Variants in USH2A observed in about 807,000 individuals in gnomAD.
USH2A encodes Usher syndrome 2A (autosomal recessive, mild).
USH2A carries 443 observed loss-of-function variants against 538.9 expected under a neutral mutation model. That is an observed-to-expected ratio of 0.82 (90% CI 0.76 to 0.89). The LOEUF is 0.89. Ranked by LOEUF, USH2A falls within the 40% of genes least tolerant of loss-of-function variation. The pLI is 0.00. For synonymous variants in USH2A, 2,413 were observed against 2,273.5 expected, an observed-to-expected ratio of 1.06 and a Z score of -1.75; for missense variants, 6,633 against 6,324.8, an observed-to-expected ratio of 1.05 and a Z score of -1.65.
At chr1:215,842,987 G>GA (rs912576688) in intron 46 of USH2A, among the ~76,000 whole-genome samples, 23 of 150,112 alleles carry the variant, frequency 1.5e-4, no homozygotes, top group African/African-American at 2.2e-4. Context: ...ACATTTAAAT[G>GA]AAAAAAAAAG....
At chr1:216,254,802 T>C (rs774676888) in intron 11 of USH2A, among the ~76,000 whole-genome samples, 3 of 152,082 alleles carry the variant, frequency 2.0e-5, no homozygotes, top group African/African-American at 4.8e-5. Context: ...CCAGAAGAGG[T>C]TGGACAAGCC....
At position 215,834,013 on chromosome 1, in the gene USH2A, A is replaced by G. The variant is rs1212502972; in HGVS notation, c.9371+3978T>C. On this transcript the variant is annotated intron_variant, in intron 47 of 71. Coordinates refer to ENST00000307340, the MANE Select transcript of USH2A (RefSeq NM_206933.4). ...TTAAGACCATAATAACACACCACAA[A>G]CATCTATTAAAATGACTATTTAAAA... 2.0e-5 allele frequency among the ~76,000 whole-genome samples: 3 copies of G among 152,194 alleles called. No individual in the cohort carries two copies. The East Asian group carries it at 5.8e-4, about 29-fold the overall frequency.
chr1:216,400,216 T>TTATATATATATATATA (rs71161422), intron 3 of USH2A, among the ~76,000 whole-genome samples: 5 of 147,226 alleles, frequency 3.4e-5, no homozygotes, highest in African/African-American at 1.2e-4. Context: ...GAAATAGAAG[T>TTATATATATATATATA]TATATATATA....
chr1:215,993,071 A>T lies in USH2A; in HGVS notation c.6754T>A (p.Tyr2252Asn), dbSNP rs964152944. 1 of 1,614,130 alleles carries T rather than the reference A, an allele frequency of 6.2e-7. No homozygotes were observed. Among genetic ancestry groups the T allele is most frequent in the African/African-American group, 1.3e-5 (1 of 75,058 alleles). The change falls in exon 35 of 72, where the codon TAT becomes AAT. Residue 2252 changes from tyrosine to asparagine, a missense_variant. Coordinates refer to ENST00000307340, the MANE Select transcript of USH2A (RefSeq NM_206933.4). ...EGVPAPKAHS[Y>N]SPDSFNVSWT... is the part of the protein sequence containing the mutation. The stretch of plus-strand genomic sequence containing the variant: ...GAGACATTAAAGGAGTCAGGTGAAT[A>T]TGAGTGGGCTTTGGGGGCTGGCACG...
At position 215,625,746 on chromosome 1, in the gene USH2A, G is replaced by C; in HGVS notation, c.*35C>G. The C allele has an allele frequency of 6.3e-7, 1 of 1,596,392 alleles. No individual in the cohort carries two copies. Among genetic ancestry groups the C allele is most frequent in the Non-Finnish European group, 8.6e-7 (1 of 1,163,944 alleles). ...CCAGGAGGAAATGGGTGCAGACCTT[G>C]CATTCCAGGGTTACGTCTTCTGGGT... On this transcript the variant is annotated 3_prime_UTR_variant, in exon 72 of 72. Coordinates refer to ENST00000307340, the MANE Select transcript of USH2A (RefSeq NM_206933.4).
At chr1:216,240,535 A>G (rs961661935) in intron 13 of USH2A, among the ~76,000 whole-genome samples, 2 of 151,994 alleles carry the variant, frequency 1.3e-5, no homozygotes, top group African/African-American at 4.8e-5. Context: ...AAAAAAAAAA[A>G]AAGTAGAAAA....
intron 37 of USH2A, among the ~76,000 whole-genome samples, chr1:215,937,745 G>A (rs1427606117): frequency 6.6e-6 from 1 of 152,104 alleles, no homozygotes; most frequent in Non-Finnish European, 1.5e-5. Context: ...ATAAAAGATT[G>A]AAATTTGTAA....
chr1:216,111,642 T>C (rs1418856293), intron 21 of USH2A, among the ~76,000 whole-genome samples: 1 of 150,660 alleles, frequency 6.6e-6, no homozygotes, highest in East Asian at 1.9e-4. Flanking sequence ...GATGTATAAA[T>C]AACTGCTGAA....
At chr1:216,238,983 C>T (rs997901782) in intron 13 of USH2A, among the ~76,000 whole-genome samples, 4 of 151,952 alleles carry the variant, frequency 2.6e-5, no homozygotes, top group African/African-American at 9.7e-5. Flanking sequence ...ATTGTAGCAG[C>T]ACATTTTACT....
intron 44 of USH2A, among the ~76,000 whole-genome samples, chr1:215,857,044 A>T (rs903466070): frequency 6.6e-6 from 1 of 152,116 alleles, no homozygotes; most frequent in African/African-American, 2.4e-5. Flanking sequence ...AGAATGATAC[A>T]ATGGACTTTG....
Position 216,421,840 on chromosome 1 carries a change from A to C in USH2A, c.485+12T>G, listed in dbSNP as rs201857884. ...GGGACCTATGAAAGCTTATACCTAC[A>C]CTACTACTTACATTACACCTTGTTG... On this transcript the variant is annotated intron_variant, in intron 2 of 71. Coordinates refer to ENST00000307340, the MANE Select transcript of USH2A (RefSeq NM_206933.4). The C allele has an allele frequency of 6.2e-7, 1 of 1,613,834 alleles. No homozygotes were observed. Among genetic ancestry groups the C allele is most frequent in the Admixed American group, 1.7e-5 (1 of 59,976 alleles).
At chr1:216,071,498 C>A (rs1460470228) in intron 29 of USH2A, among the ~76,000 whole-genome samples, 5 of 152,166 alleles carry the variant, frequency 3.3e-5, no homozygotes, top group Admixed American at 1.3e-4. Context: ...AAAACTGACT[C>A]AAAAATAATT....
Position 215,962,190 on chromosome 1 carries a change from G to T in USH2A, c.7120+3127C>A, listed in dbSNP as rs372266105. Among the ~76,000 whole-genome samples the T allele has an allele frequency of 3.3e-5, 5 of 152,078 alleles. No individual in the cohort carries two copies. The East Asian group carries it at 7.7e-4, about 24-fold the overall frequency. ...TGATGACAAGACTGTGGGGAGACAG[G>T]CACCCTCATACTTTTTCTGAGAATA... On this transcript the variant is annotated intron_variant, in intron 37 of 71. Coordinates refer to ENST00000307340, the MANE Select transcript of USH2A (RefSeq NM_206933.4).
intron 30 of USH2A, among the ~76,000 whole-genome samples, chr1:216,052,195 A>G (rs2030809500): frequency 6.6e-6 from 1 of 152,100 alleles, no homozygotes; most frequent in African/African-American, 2.4e-5. Context: ...ATCTTTACCA[A>G]ATTGTATTGT....
chr1:216,274,937 T>C (rs1240892495), intron 11 of USH2A, among the ~76,000 whole-genome samples: 3 of 152,094 alleles, frequency 2.0e-5, no homozygotes, highest in Non-Finnish European at 4.4e-5. Flanking sequence ...TTCTGAAGCA[T>C]GCTCAAATAA....
chr1:216,275,895 G>C (rs984810180), intron 11 of USH2A, among the ~76,000 whole-genome samples: 6 of 152,064 alleles, frequency 3.9e-5, no homozygotes, highest in Non-Finnish European at 8.8e-5. Flanking sequence ...ACAAACAAAT[G>C]GGTATGTTTC....
At chr1:215,823,363 C>T (rs1435585201) in intron 47 of USH2A, among the ~76,000 whole-genome samples, 2 of 151,932 alleles carry the variant, frequency 1.3e-5, no homozygotes, top group African/African-American at 4.8e-5. Flanking sequence ...AATGTCATCC[C>T]ACTTCCTCCT....
intron 9 of USH2A, among the ~76,000 whole-genome samples, chr1:216,316,205 A>G (rs79154821): frequency 0.053 from 8,068 of 152,252 alleles, 296 homozygotes; most frequent in Middle Eastern, 0.11. Context: ...TTAAAAAAAA[A>G]GTAAGCATGG....
intron 14 of USH2A, among the ~76,000 whole-genome samples, chr1:216,227,134 T>C (rs1200276166): frequency 6.6e-6 from 1 of 152,188 alleles, no homozygotes; most frequent in Non-Finnish European, 1.5e-5. Flanking sequence ...TTATATCTCT[T>C]TATAGACCTT....
Sources: allele counts gnomAD v4.1 joint callset (sites outside exome capture counted in the v4.1 genomes callset), GRCh38; gene constraint gnomAD v4.1.1; transcripts MANE v1.5; gene names NCBI Gene and HGNC (gene_info 2026-07-23, HGNC 2026-07-21).